DST: variants seen among roughly 807,000 people sequenced by gnomAD.
DST encodes the protein bullous pemphigoid antigen.
A neutral mutation model predicts 875.2 loss-of-function variants in DST; 253 were observed. The observed-to-expected ratio is 0.29, with a 90% CI of 0.26 to 0.32. The LOEUF is 0.32. Ranked by LOEUF, DST falls within the 10% of genes least tolerant of loss-of-function variation. DST has a pLI of 1.00. For synonymous variants in DST, 3,124 were observed against 3,197.1 expected (o/e 0.98, Z 0.77); for missense variants, 8,287 against 9,111.6 (o/e 0.91, Z 3.68).
At chr6:56,702,789 A>G (rs1445155747) in intron 7 of DST, among the ~76,000 whole-genome samples, 4 of 152,226 alleles carry the variant, frequency 2.6e-5, no homozygotes, top group African/African-American at 9.6e-5. Context: ...GCTGAAATTT[A>G]TCACATAAAA....
intron 23 of DST, among the ~76,000 whole-genome samples, chr6:56,636,322 A>G (rs959284270): frequency 6.6e-6 from 1 of 150,904 alleles, no homozygotes; most frequent in Non-Finnish European, 1.5e-5. Context: ...GTGTGTGTAT[A>G]TATGTGTATA....
At chr6:56,688,520 A>C (rs1207421230) in intron 9 of DST, among the ~76,000 whole-genome samples, 1 of 152,206 alleles carries the variant, frequency 6.6e-6, no homozygotes, top group East Asian at 1.9e-4. Context: ...GACTGACAAT[A>C]TATTGTGTAC....
chr6:56,639,538 A>G lies in DST; in HGVS notation c.2771T>C (p.Ile924Thr), dbSNP rs1563379516. Residue 924 changes from isoleucine (I) to threonine (T), a missense_variant, in exon 21 of 104, where the codon ATT becomes ACT. Transcript: ENST00000680361. ...CTCCTCTTCTTTTTCATTCAACCAAATAAGTTCATTAGTCGCACGACTTAC... is the reference window on the plus strand; with the variant it reads ...CTCCTCTTCTTTTTCATTCAACCAAGTAAGTTCATTAGTCGCACGACTTAC... The part of the protein sequence containing the change: ...NFVSRATNEL[I>T]WLNEKEEEEV... 13 of 1,613,906 alleles carry G rather than the reference A, an allele frequency of 8.1e-6. No homozygotes were observed. The highest frequency in any genetic ancestry group is 1.1e-5 in the South Asian group (1 of 91,070).
At chr6:56,747,215 G>T (rs143864901) in intron 4 of DST, among the ~76,000 whole-genome samples, 1,858 of 152,274 alleles carry the variant, frequency 0.012, 34 homozygotes, top group African/African-American at 0.042. Context: ...AGAGTAGAAT[G>T]GTAGAATGTG....
chr6:56,741,825 T>C (rs1687078326), intron 4 of DST, among the ~76,000 whole-genome samples: 1 of 152,240 alleles, frequency 6.6e-6, no homozygotes, highest in Admixed American at 6.5e-5. Context: ...AACATTCCTC[T>C]ATTTGAAAAT....
intron 9 of DST, among the ~76,000 whole-genome samples, 196 bp downstream of exon 9, chr6:56,699,457 T>C (rs562738261): frequency 6.6e-6 from 1 of 152,342 alleles, no homozygotes; most frequent in African/African-American, 2.4e-5. Flanking sequence ...TACATTTAAG[T>C]TTATCAAGAA....
At chr6:56,774,113 C>CAAAA (rs59394529) in intron 4 of DST, among the ~76,000 whole-genome samples, 21,202 of 75,310 alleles carry the variant, frequency 0.28, 2,301 homozygotes, top group African/African-American at 0.39. Flanking sequence ...GATTCTGTCT[C>CAAAA]AAAAAAAAAA....
At chr6:56,951,545 AAAGAG>A (rs1315107802) in intron 2 of DST, among the ~76,000 whole-genome samples, 3 of 152,282 alleles carry the variant, frequency 2.0e-5, no homozygotes, top group East Asian at 1.9e-4. Flanking sequence ...TCTTGATAGA[AAAGAG>A]AAAAGAAAAA....
intron 10 of DST, among the ~76,000 whole-genome samples, chr6:56,654,374 T>C (rs905921328): frequency 6.6e-6 from 1 of 151,970 alleles, no homozygotes; most frequent in African/African-American, 2.4e-5. Flanking sequence ...AAATTAGAAG[T>C]ATAAAACCAA....
rs760106933 is a variant in DST, at chr6:56,603,217, G to T, written c.11145C>A (p.Ile3715=). ...SERTKQIMLA[I]DSEMSKLAVS... ...ATTTTATGCCTACCATTTCAGAGTC[G>T]ATCGCAAGCATGATCTGTTTCGTTC... Residue 3715 remains isoleucine, a synonymous_variant, in exon 42 of 104, where the codon ATC becomes ATA. Transcript: ENST00000680361. The T allele has an allele frequency of 1.2e-5, 20 of 1,600,350 alleles. No homozygotes were observed. The South Asian group carries it at 1.7e-4, about 13-fold the overall frequency.
chr6:56,751,675 G>A (rs1035075892), intron 4 of DST, among the ~76,000 whole-genome samples: 5 of 152,160 alleles, frequency 3.3e-5, no homozygotes, highest in Non-Finnish European at 7.3e-5. Context: ...GAACCACCAT[G>A]TGGCCCATTA....
At chr6:56,504,897 T>G (rs1295829205) in intron 77 of DST, among the ~76,000 whole-genome samples, 1 of 152,072 alleles carries the variant, frequency 6.6e-6, no homozygotes. Flanking sequence ...ATGGGGTACT[T>G]CAGCTCTTGT....
intron 4 of DST, among the ~76,000 whole-genome samples, chr6:56,748,348 C>CTA (rs1439050027): frequency 6.6e-6 from 1 of 152,068 alleles, no homozygotes; most frequent in Non-Finnish European, 1.5e-5. Context: ...CTACATAAAC[C>CTA]TAGGTTCAAA....
At position 56,888,554 on chromosome 6, in the gene DST, G is replaced by T. The variant is rs559999786; in HGVS notation, c.417+11867C>A. ...TAAGGTTATGCACATAGAGCTGCCTGGTCCTACATATTTGAAAAGGAAAGG... is the reference window on the plus strand; with the variant it reads ...TAAGGTTATGCACATAGAGCTGCCTTGTCCTACATATTTGAAAAGGAAAGG... On this transcript the variant is annotated intron_variant, in intron 3 of 103. Coordinates refer to ENST00000680361, the MANE Select transcript of DST (RefSeq NM_001374736.1). 2.0e-3 allele frequency among the ~76,000 whole-genome samples: 309 copies of T among 152,118 alleles called. 1 individual carries two copies. The highest frequency in any genetic ancestry group is 6.9e-3 in the African/African-American group (285 of 41,474).
rs202110806 is a variant in DST, at chr6:56,639,557, G to A, written c.2752C>T (p.Arg918Cys). The A allele has an allele frequency of 1.7e-4, 282 of 1,613,598 alleles. 3 individuals are homozygous for A. The South Asian group carries it at 2.6e-3, about 15-fold the overall frequency. The change falls in exon 21 of 104, where the codon CGT becomes TGT. Residue 918 changes from arginine (R) to cysteine (C), a missense_variant. This residue lies in a region of DST where 1,160 missense variants were observed against 1,424.3 expected (regional missense o/e 0.81). Coordinates refer to ENST00000680361, the MANE Select transcript of DST (RefSeq NM_001374736.1). Reference protein sequence around the residue: ...HLDTLHNFVSRATNELIWLNE... With the variant: ...HLDTLHNFVSCATNELIWLNE... ...AACCAAATAAGTTCATTAGTCGCAC[G>A]ACTTACAAAATTATGGAGTGTATCA...
intron 4 of DST, among the ~76,000 whole-genome samples, chr6:56,799,672 A>G (rs753850330): frequency 3.5e-4 from 52 of 149,872 alleles, no homozygotes; most frequent in Admixed American, 2.3e-3. Context: ...GCCCAACTGG[A>G]GTGTAGTGGC....
intron 55 of DST, among the ~76,000 whole-genome samples, chr6:56,568,215 T>C (rs2097715177): frequency 6.6e-6 from 1 of 152,222 alleles, no homozygotes; most frequent in South Asian, 2.1e-4. Flanking sequence ...CAATATAACA[T>C]TCCTTATTCT....
intron 50 of DST, among the ~76,000 whole-genome samples, chr6:56,575,210 G>C (rs145169900): frequency 6.6e-6 from 1 of 152,090 alleles, no homozygotes; most frequent in Non-Finnish European, 1.5e-5. Context: ...CTACTAGTTG[G>C]GGGAGAGGGG....
At chr6:56,465,899 GAGA>G (rs2094558815) in intron 99 of DST, among the ~76,000 whole-genome samples, 176 bp downstream of exon 99, 1 of 149,646 alleles carries the variant, frequency 6.7e-6, no homozygotes, top group Non-Finnish European at 1.5e-5. Flanking sequence ...AGAAAAAAAT[GAGA>G]AGAATATGGT....
Sources: gnomAD v4.1 joint callset for allele counts (sites outside exome capture counted in the v4.1 genomes callset) on GRCh38, gnomAD v4.1.1 for gene constraint, gnomAD v4.1.1 regional missense constraint, MANE v1.5 for transcripts, NCBI Gene and HGNC (gene_info 2026-07-23, HGNC 2026-07-21) for gene names.